Variants in FAAH2 observed in about 807,000 individuals in gnomAD.
The protein encoded by FAAH2 is fatty acid amide hydrolase 2.
FAAH2 carries 60 observed loss-of-function variants against 36.9 expected under a neutral mutation model. The ratio of observed to expected loss-of-function variants is 1.63; its 90% confidence interval spans 1.32 to 2.02. The LOEUF is 2.02. Ranked by LOEUF, FAAH2 falls within the 30% of genes most tolerant of loss-of-function variation. FAAH2 has a pLI of 0.00. For synonymous variants in FAAH2, 214 were observed against 143.8 expected (o/e 1.49, Z -3.49); for missense variants, 689 against 397.5 (o/e 1.73, Z -6.23).
the FAAH2 span, among the ~76,000 whole-genome samples, chrX:57,269,282 T>C: frequency 5.4e-5 from 6 of 111,388 alleles, no homozygotes; most frequent in African/African-American, 1.6e-4. Context: ...AGTGGGATAT[T>C]TTAACACCCC....
chrX:57,159,898 G>A, the FAAH2 span, among the ~76,000 whole-genome samples: 1 of 111,545 alleles, frequency 9.0e-6, no homozygotes, highest in Non-Finnish European at 1.9e-5. Flanking sequence ...GTGAGAGAGG[G>A]CATCCCTGTC....
At chrX:57,231,997 A>G in the FAAH2 span, among the ~76,000 whole-genome samples, 2 of 111,622 alleles carry the variant, frequency 1.8e-5, no homozygotes, top group Admixed American at 1.9e-4. Context: ...TTCCATATGC[A>G]TGATATGCTT....
At chrX:57,431,333 T>A (rs1297792134) in intron 7 of FAAH2, among the ~76,000 whole-genome samples, 2 of 111,759 alleles carry the variant, frequency 1.8e-5, no homozygotes, top group African/African-American at 3.3e-5. Flanking sequence ...TTAAGTTGTA[T>A]TTTATTTCGC....
chrX:57,388,450 G>A (rs1447494757), intron 7 of FAAH2, among the ~76,000 whole-genome samples: 1 of 110,908 alleles, frequency 9.0e-6, no homozygotes, highest in African/African-American at 3.3e-5. Context: ...ATATGCCAAG[G>A]CCTTGTGTGC....
At chrX:57,192,921 A>G in the FAAH2 span, among the ~76,000 whole-genome samples, 1 of 111,638 alleles carries the variant, frequency 9.0e-6, no homozygotes, top group Non-Finnish European at 1.9e-5. Flanking sequence ...AGGAGGATGT[A>G]TGTCACCTCA....
chrX:57,467,785 C>A (rs775220754), intron 10 of FAAH2, among the ~76,000 whole-genome samples: 13 of 111,823 alleles, frequency 1.2e-4, no homozygotes, highest in Non-Finnish European at 2.3e-4. Context: ...GATCTGAAAA[C>A]GGACAGACTG....
the FAAH2 span, among the ~76,000 whole-genome samples, chrX:57,221,252 G>A: frequency 6.3e-5 from 7 of 110,761 alleles, no homozygotes; most frequent in East Asian, 5.7e-4. Flanking sequence ...ATTCCCCATA[G>A]TACCCAACAC....
chrX:57,298,749 C>T (rs1292841398), intron 2 of FAAH2, among the ~76,000 whole-genome samples: 5 of 75,981 alleles, frequency 6.6e-5, no homozygotes, highest in East Asian at 4.4e-4. Flanking sequence ...ATCAATTAGA[C>T]GCAATAAAAA....
At chrX:57,125,424 A>G in the FAAH2 span, among the ~76,000 whole-genome samples, 2 of 111,800 alleles carry the variant, frequency 1.8e-5, no homozygotes, top group East Asian at 5.6e-4. Flanking sequence ...ATTTCAATGA[A>G]AAGTAAGGGG....
chrX:57,426,069 C>T (rs1418236619), intron 7 of FAAH2, among the ~76,000 whole-genome samples: 3 of 111,689 alleles, frequency 2.7e-5, no homozygotes, highest in Non-Finnish European at 5.7e-5. Flanking sequence ...TTATAACTGG[C>T]TTTTGTAATA....
chrX:57,468,001 C>T (rs771231258), intron 10 of FAAH2, among the ~76,000 whole-genome samples: 4 of 111,833 alleles, frequency 3.6e-5, no homozygotes, highest in Non-Finnish European at 7.5e-5. Context: ...CTGGAGTGGA[C>T]CTCCAGCAAA....
At chrX:57,424,354 G>A (rs1345113856) in intron 7 of FAAH2, among the ~76,000 whole-genome samples, 2 of 111,597 alleles carry the variant, frequency 1.8e-5, no homozygotes, top group African/African-American at 6.5e-5. Flanking sequence ...GATCTTCTCC[G>A]TGTAAACAAA....
At chrX:57,180,706 AAAG>A in the FAAH2 span, among the ~76,000 whole-genome samples, 45 of 111,586 alleles carry the variant, frequency 4.0e-4, no homozygotes, top group Non-Finnish European at 6.2e-4. Flanking sequence ...CCAGAGGTAA[AAAG>A]AAGAGCTGGT....
At chrX:57,240,342 T>G in the FAAH2 span, among the ~76,000 whole-genome samples, 1 of 111,576 alleles carries the variant, frequency 9.0e-6, no homozygotes, top group Admixed American at 9.6e-5. Context: ...CATGGGTAGA[T>G]GGTACCAGGC....
chrX:57,441,186 G>A (rs1453042578), intron 8 of FAAH2, among the ~76,000 whole-genome samples: 1 of 111,658 alleles, frequency 9.0e-6, no homozygotes. Flanking sequence ...AATGGTACTA[G>A]CTCCTCTTTG....
chrX:57,349,802 A>G (rs1360935058), intron 5 of FAAH2, among the ~76,000 whole-genome samples: 8 of 110,175 alleles, frequency 7.3e-5, no homozygotes, highest in Non-Finnish European at 1.1e-4. Flanking sequence ...TAATATTCCT[A>G]AATGTGAGGA....
At chrX:57,122,917 G>A in the FAAH2 span, among the ~76,000 whole-genome samples, 1 of 112,258 alleles carries the variant, frequency 8.9e-6, no homozygotes, top group South Asian at 3.7e-4. Context: ...TAGTGCTGAT[G>A]CAAGTGAAAG....
chrX:57,205,603 G>T, the FAAH2 span, among the ~76,000 whole-genome samples: 2 of 112,140 alleles, frequency 1.8e-5, no homozygotes, highest in African/African-American at 6.5e-5. Context: ...TCTGCTTTTT[G>T]AGCTGAAGTA....
the FAAH2 span, among the ~76,000 whole-genome samples, chrX:57,197,835 C>G: frequency 8.9e-6 from 1 of 112,149 alleles, no homozygotes; most frequent in Non-Finnish European, 1.9e-5. Flanking sequence ...GTTTAGCGCA[C>G]TGGTTTCCTT....
Sources: allele counts gnomAD v4.1 joint callset (sites outside exome capture counted in the v4.1 genomes callset), GRCh38; gene constraint gnomAD v4.1.1; transcripts MANE v1.5; gene names NCBI Gene and HGNC (gene_info 2026-07-23, HGNC 2026-07-21).